The following SEPTIN7 variants were observed in gnomAD, a reference collection of about 807,000 sequenced individuals.
SEPTIN7 encodes septin-7.
A neutral mutation model predicts 63.3 loss-of-function variants in SEPTIN7; 10 were observed. The observed-to-expected ratio is 0.16, with a 90% confidence interval of 0.10 to 0.27. The LOEUF (loss-of-function observed/expected upper bound fraction) is 0.27. Ranked by LOEUF, SEPTIN7 falls within the 10% of genes least tolerant of loss-of-function variation. SEPTIN7 has a pLI of 1.00. For synonymous variants in SEPTIN7, 131 were observed against 165.3 expected (o/e 0.79, Z 1.59); for missense variants, 310 against 521.0 (o/e 0.59, Z 3.94).
chr7:35,890,610 A>C, intron 10 of SEPTIN7, 58 bp from the exon 11 acceptor site: 8 of 1,338,130 alleles, frequency 6.0e-6, no homozygotes, highest in Non-Finnish European at 7.7e-6. Flanking sequence ...AAAACTTTTT[A>C]AGCTTTTTTC....
chr7:35,905,252 T>C lies in SEPTIN7; in HGVS notation c.*959T>C, dbSNP rs1394724998. 3 of 152,676 alleles carry C rather than the reference T, an allele frequency of 2.0e-5. No individual in the cohort carries two copies. In the East Asian group the frequency reaches 5.8e-4, roughly 29 times the overall value. The allele number at this position is 152,676 out of a possible 1,614,324, so 9.5% of individuals were successfully genotyped here. The stretch of plus-strand genomic sequence containing the variant: ...TAGCTGTATTCATATATTGCATTTC[T>C]GTATTTTTTGTTTGTATTGTAAAAA... On this transcript the variant is annotated 3_prime_UTR_variant, in exon 14 of 14. Transcript: ENST00000350320.
chr7:35,865,399 A>G (rs1785757360), intron 4 of SEPTIN7, among the ~76,000 whole-genome samples: 1 of 152,098 alleles, frequency 6.6e-6, no homozygotes, highest in South Asian at 2.1e-4. Context: ...ACATACATAT[A>G]CTTTTTTATA....
intron 3 of SEPTIN7, among the ~76,000 whole-genome samples, chr7:35,841,522 A>G (rs1784408257): frequency 6.6e-6 from 1 of 152,226 alleles, no homozygotes; most frequent in Non-Finnish European, 1.5e-5. Context: ...CATAGTATAT[A>G]GGCTGAATTA....
At chr7:35,915,700 T>TCGAA in the SEPTIN7 span, among the ~76,000 whole-genome samples, 1 of 152,190 alleles carries the variant, frequency 6.6e-6, no homozygotes, top group Non-Finnish European at 1.5e-5. Flanking sequence ...CAGGCCTTGT[T>TCGAA]CCTCTGTCAC....
chr7:35,888,585 G>A (rs370023063), intron 10 of SEPTIN7, among the ~76,000 whole-genome samples: 19 of 152,132 alleles, frequency 1.2e-4, no homozygotes, highest in African/African-American at 4.6e-4. Context: ...TTTGGCAGGC[G>A]AAGGTGGGAG....
At chr7:35,884,831 G>C (rs935379981) in intron 9 of SEPTIN7, among the ~76,000 whole-genome samples, 8 of 151,918 alleles carry the variant, frequency 5.3e-5, no homozygotes, top group Non-Finnish European at 2.9e-5. Flanking sequence ...AATTATTAAG[G>C]GTTAAGTAAG....
chr7:35,811,012 G>GC (rs1788672485), intron 1 of SEPTIN7, among the ~76,000 whole-genome samples: 1 of 151,974 alleles, frequency 6.6e-6, no homozygotes, highest in East Asian at 1.9e-4. Context: ...GAGGCAATCT[G>GC]CCCACCTTGG....
intron 1 of SEPTIN7, among the ~76,000 whole-genome samples, chr7:35,814,120 G>A (rs77919141): frequency 0.014 from 2,064 of 146,628 alleles, 66 homozygotes; most frequent in Admixed American, 0.066. Flanking sequence ...AATGATAGTG[G>A]CTCAACATTT....
At chr7:35,881,688 G>T (rs1786887875) in intron 7 of SEPTIN7, among the ~76,000 whole-genome samples, 1 of 151,796 alleles carries the variant, frequency 6.6e-6, no homozygotes, top group African/African-American at 2.4e-5. Context: ...TATAAGTATA[G>T]ACAGGGAAGC....
intron 4 of SEPTIN7, among the ~76,000 whole-genome samples, chr7:35,868,173 C>T (rs1451326078): frequency 6.6e-6 from 1 of 151,978 alleles, no homozygotes; most frequent in Non-Finnish European, 1.5e-5. Context: ...CCCAGCTGGT[C>T]CCTGAAGTTT....
intron 1 of SEPTIN7, among the ~76,000 whole-genome samples, chr7:35,806,825 T>C (rs1788372958): frequency 6.6e-6 from 1 of 152,214 alleles, no homozygotes; most frequent in Non-Finnish European, 1.5e-5. Flanking sequence ...ATAACTTCTT[T>C]ATTATATAAG....
At chr7:35,857,472 G>T (rs528054139) in intron 3 of SEPTIN7, among the ~76,000 whole-genome samples, 1 of 152,176 alleles carries the variant, frequency 6.6e-6, no homozygotes, top group African/African-American at 2.4e-5. Flanking sequence ...TCATAACCAT[G>T]GGTAAAGTTT....
At chr7:35,801,037 G>T, upstream of SEPTIN7, 1 of 474,532 alleles carries the variant, frequency 2.1e-6, no homozygotes, top group Non-Finnish European at 3.7e-6. Flanking sequence ...GAGGGGGCGG[G>T]GGACGGAGGA....
rs1788505392 is a variant in SEPTIN7, at chr7:35,904,489, A to G, written c.*196A>G. On this transcript the variant is annotated 3_prime_UTR_variant, in exon 14 of 14. Transcript: ENST00000350320. ...GAATTGTCTAGGGTGTTCTGTACTT[A>G]GAAAGTAAGAGCTCTAAGTACCTTT... 5.0e-6 allele frequency: 2 copies of G among 402,086 alleles called. No individual in the cohort carries two copies. Among genetic ancestry groups the G allele is most frequent in the Non-Finnish European group, 8.8e-6 (2 of 226,814 alleles). 24.9% of individuals were successfully genotyped at this position (402,086 alleles called of 1,614,324 possible). A position where few individuals can be genotyped will look rare whatever the true frequency, so the allele number is the denominator to read the frequency against.
chr7:35,872,982 C>G (rs1004315750), intron 5 of SEPTIN7, among the ~76,000 whole-genome samples: 2 of 151,990 alleles, frequency 1.3e-5, no homozygotes, highest in Admixed American at 1.3e-4. Context: ...GAGATAATAC[C>G]TATCATAAAA....
intron 3 of SEPTIN7, among the ~76,000 whole-genome samples, chr7:35,861,921 T>G (rs1480917893): frequency 6.6e-6 from 1 of 152,216 alleles, no homozygotes; most frequent in African/African-American, 2.4e-5. Flanking sequence ...TTGCATATTT[T>G]TTTTCTTAAT....
intron 8 of SEPTIN7, 36 bp from the exon 9 acceptor site, chr7:35,883,855 A>C: frequency 4.0e-6 from 5 of 1,256,806 alleles, no homozygotes; most frequent in Non-Finnish European, 3.5e-6. Flanking sequence ...TGAGGACTAC[A>C]GAGATGTATT....
intron 1 of SEPTIN7, among the ~76,000 whole-genome samples, chr7:35,817,002 C>A (rs946443317): frequency 2.0e-5 from 3 of 151,224 alleles, no homozygotes; most frequent in African/African-American, 4.9e-5. Flanking sequence ...TCCTACAATT[C>A]CACAGGTTTT....
chr7:35,894,796 A>C (rs748486938), intron 11 of SEPTIN7, among the ~76,000 whole-genome samples: 2 of 152,224 alleles, frequency 1.3e-5, no homozygotes, highest in African/African-American at 2.4e-5. Flanking sequence ...CACACACATA[A>C]TTTAAATGAA....
Sources: gnomAD v4.1 joint callset for allele counts (sites outside exome capture counted in the v4.1 genomes callset) on GRCh38, gnomAD v4.1.1 for gene constraint, MANE v1.5 for transcripts, NCBI Gene and HGNC (gene_info 2026-07-23, HGNC 2026-07-21) for gene names.